The following SMYD3 variants were observed in gnomAD, a reference collection of about 807,000 sequenced individuals.
SMYD3 encodes the protein SET and MYND domain containing 3, also known as histone-lysine N-methyltransferase SMYD3.
Under a neutral mutation model 57.7 loss-of-function variants are expected in SMYD3, and 36 were observed. The ratio of observed to expected loss-of-function variants is 0.62; its 90% CI spans 0.48 to 0.82. SMYD3 has a LOEUF of 0.82. SMYD3 is among the 40% of genes least tolerant of loss of function. SMYD3 has a pLI of 0.00. For synonymous variants in SMYD3, 211 were observed against 195.0 expected, an observed-to-expected ratio of 1.08 and a Z score of -0.68; for missense variants, 515 against 538.8, an observed-to-expected ratio of 0.96 and a Z score of 0.44.
intron 5 of SMYD3, among the ~76,000 whole-genome samples, chr1:245,997,235 T>C (rs1389665546): frequency 1.3e-5 from 2 of 152,242 alleles, no homozygotes; most frequent in Admixed American, 1.3e-4. Context: ...AAGATCAATT[T>C]GTTAAAAGAC....
intron 5 of SMYD3, among the ~76,000 whole-genome samples, chr1:245,958,307 G>A (rs185556649): frequency 6.6e-6 from 1 of 152,264 alleles, no homozygotes; most frequent in East Asian, 1.9e-4. Context: ...CATACACGAT[G>A]CAGACTGCTT....
intron 5 of SMYD3, chr1:246,179,133 GC>G (rs1255717455): frequency 6.4e-6 from 1 of 156,040 alleles, no homozygotes; most frequent in Non-Finnish European, 1.5e-5. Context: ...AGGAGAAGTA[GC>G]CAGCAGAACA....
intron 5 of SMYD3, chr1:246,326,272 T>C (rs578033613): frequency 1.8e-6 from 1 of 549,480 alleles, no homozygotes; most frequent in Non-Finnish European, 3.3e-6. Flanking sequence ...GTGATCAACA[T>C]TAAAACAAAT....
At chr1:246,011,178 C>T (rs1286280646) in intron 5 of SMYD3, among the ~76,000 whole-genome samples, 1 of 152,146 alleles carries the variant, frequency 6.6e-6, no homozygotes, top group Non-Finnish European at 1.5e-5. Context: ...GATCTGAATT[C>T]CCCATTTCAT....
At chr1:246,393,303 T>C (rs559914886) in intron 1 of SMYD3, among the ~76,000 whole-genome samples, 94 of 152,322 alleles carry the variant, frequency 6.2e-4, no homozygotes, top group African/African-American at 2.1e-3. Flanking sequence ...ATGTTTAAGC[T>C]TGACCATTAT....
intron 5 of SMYD3, among the ~76,000 whole-genome samples, chr1:246,095,226 A>G (rs1477153032): frequency 6.6e-6 from 1 of 152,202 alleles, no homozygotes; most frequent in Non-Finnish European, 1.5e-5. Context: ...ACAGGAAGCA[A>G]AACAATTCGA....
intron 5 of SMYD3, among the ~76,000 whole-genome samples, chr1:246,113,220 T>TAAAG (rs1558239657): frequency 7.5e-6 from 1 of 132,526 alleles, no homozygotes; most frequent in African/African-American, 3.5e-5. Flanking sequence ...AATAAATAAA[T>TAAAG]AAATAAATAA....
intron 5 of SMYD3, among the ~76,000 whole-genome samples, chr1:246,158,492 T>C (rs1002251264): frequency 6.6e-6 from 1 of 152,182 alleles, no homozygotes; most frequent in African/African-American, 2.4e-5. Flanking sequence ...AAATACGCAA[T>C]GATTAAAAGA....
chr1:245,989,291 G>A (rs1254314016), intron 5 of SMYD3, among the ~76,000 whole-genome samples: 2 of 133,574 alleles, frequency 1.5e-5, no homozygotes, highest in African/African-American at 5.1e-5. Context: ...TTGAAGAGGA[G>A]TCAGTTAATC....
intron 5 of SMYD3, among the ~76,000 whole-genome samples, chr1:246,288,240 A>AT (rs2064613497): frequency 6.6e-6 from 1 of 151,626 alleles, no homozygotes; most frequent in Non-Finnish European, 1.5e-5. Context: ...CGCCTGGCTA[A>AT]TTGTTGTATT....
At chr1:246,073,412 G>A (rs2060490520) in intron 5 of SMYD3, among the ~76,000 whole-genome samples, 1 of 152,048 alleles carries the variant, frequency 6.6e-6, no homozygotes, top group African/African-American at 2.4e-5. Context: ...GTGATTTGGG[G>A]ATTTTAGAAT....
chr1:246,262,445 T>A (rs1401348512), intron 5 of SMYD3, among the ~76,000 whole-genome samples: 1 of 152,222 alleles, frequency 6.6e-6, no homozygotes, highest in African/African-American at 2.4e-5. Context: ...ACTCGTTTAA[T>A]CTTGACAACA....
chr1:245,776,831 C>T (rs1050842820), intron 10 of SMYD3, among the ~76,000 whole-genome samples: 2 of 152,218 alleles, frequency 1.3e-5, no homozygotes, highest in African/African-American at 2.4e-5. Context: ...GTAAACTCCA[C>T]CTCACAAGCC....
chr1:245,909,530 G>C (rs1267086137), intron 8 of SMYD3, among the ~76,000 whole-genome samples: 1 of 151,834 alleles, frequency 6.6e-6, no homozygotes, highest in Admixed American at 6.6e-5. Flanking sequence ...AAAACTAAAG[G>C]CCAATATCAC....
At chr1:246,281,545 A>G (rs1242460490) in intron 5 of SMYD3, among the ~76,000 whole-genome samples, 1 of 152,234 alleles carries the variant, frequency 6.6e-6, no homozygotes, top group Admixed American at 6.5e-5. Context: ...TCTAAACAAC[A>G]GCAAACACCT....
intron 5 of SMYD3, among the ~76,000 whole-genome samples, chr1:246,136,738 G>A (rs1180255196): frequency 1.3e-5 from 2 of 152,336 alleles, no homozygotes; most frequent in East Asian, 3.9e-4. Context: ...GAATGAATAA[G>A]TGAATGAGTG....
At chr1:245,768,078 C>T (rs138082104) in intron 10 of SMYD3, among the ~76,000 whole-genome samples, 18 of 152,240 alleles carry the variant, frequency 1.2e-4, no homozygotes, top group African/African-American at 3.9e-4. Flanking sequence ...GAAATAGAAA[C>T]GCTTCCACAA....
chr1:246,207,113 G>C (rs12069206), intron 5 of SMYD3, among the ~76,000 whole-genome samples: 4,283 of 152,132 alleles, frequency 0.028, 290 homozygotes, highest in East Asian at 0.24. Flanking sequence ...ATAATGAGTA[G>C]TCACTTCTAT....
intron 5 of SMYD3, among the ~76,000 whole-genome samples, chr1:245,991,027 G>T (rs1207343432): frequency 6.6e-6 from 1 of 152,150 alleles, no homozygotes; most frequent in Non-Finnish European, 1.5e-5. Context: ...TTAGAAAAAA[G>T]AAAATTCTAA....
Sources: gnomAD v4.1 joint callset for allele counts (sites outside exome capture counted in the v4.1 genomes callset) on GRCh38, gnomAD v4.1.1 for gene constraint, MANE v1.5 for transcripts, NCBI Gene and HGNC (gene_info 2026-07-23, HGNC 2026-07-21) for gene names.